Variants in CUL5 observed in about 807,000 individuals in gnomAD.
CUL5 encodes cullin-5.
Under a neutral mutation model 108.8 loss-of-function variants are expected in CUL5, and 26 were observed. The observed-to-expected ratio is 0.24, with a 90% CI of 0.18 to 0.33. The LOEUF (loss-of-function observed/expected upper bound fraction) is 0.33, where lower values mean the gene tolerates loss of function less well. Ranked by LOEUF, CUL5 falls within the 10% of genes least tolerant of loss-of-function variation. CUL5 has a pLI of 1.00. For synonymous variants in CUL5, 334 were observed against 298.0 expected (o/e 1.12, Z -1.25); for missense variants, 524 against 909.2 (o/e 0.58, Z 5.45).
chr11:108,038,599 C>T (rs1055851445), intron 2 of CUL5, among the ~76,000 whole-genome samples: 2 of 151,210 alleles, frequency 1.3e-5, no homozygotes, highest in African/African-American at 4.9e-5. Context: ...CACTTGAATC[C>T]GGCAGGCAGA....
chr11:108,093,579 C>CT (rs370300296), intron 13 of CUL5, among the ~76,000 whole-genome samples: 2 of 151,968 alleles, frequency 1.3e-5, no homozygotes, highest in Non-Finnish European at 2.9e-5. Flanking sequence ...TTTGATTATT[C>CT]TTTTTTGTAA....
chr11:108,069,397 T>C (rs1305799966), intron 7 of CUL5, among the ~76,000 whole-genome samples: 3 of 152,186 alleles, frequency 2.0e-5, no homozygotes, highest in Non-Finnish European at 2.9e-5. Flanking sequence ...CACTGTCTGT[T>C]TCTTCTCTAC....
intron 2 of CUL5, 94 bp downstream of exon 2, chr11:108,034,005 G>T (rs1178928038): frequency 1.3e-6 from 1 of 754,704 alleles, no homozygotes; most frequent in Non-Finnish European, 2.3e-6. Flanking sequence ...AAGTTTATCT[G>T]TTTACCTATT....
At chr11:108,019,043 T>A (rs1862268785) in intron 1 of CUL5, among the ~76,000 whole-genome samples, 1 of 152,146 alleles carries the variant, frequency 6.6e-6, no homozygotes, top group African/African-American at 2.4e-5. Context: ...AACAGTACAG[T>A]ATAGCAGCTG....
intron 5 of CUL5, among the ~76,000 whole-genome samples, chr11:108,053,845 A>ATTTTTTTCTT (rs1863304888): frequency 1.4e-5 from 2 of 147,828 alleles, no homozygotes; most frequent in Admixed American, 1.3e-4. Flanking sequence ...CACCTGGCTA[A>ATTTTTTTCTT]TTTGTTTCTT....
chr11:108,033,767 A>T, intron 1 of CUL5, 35 bp from the exon 2 acceptor site: 1 of 1,338,062 alleles, frequency 7.5e-7, no homozygotes, highest in Non-Finnish European at 1.1e-6. Flanking sequence ...AACTGCATTT[A>T]AATTAAACTC....
intron 11 of CUL5, among the ~76,000 whole-genome samples, chr11:108,087,879 C>T (rs1441069212): frequency 1.3e-5 from 2 of 151,980 alleles, no homozygotes; most frequent in African/African-American, 2.4e-5. Context: ...GCAGGAGAAT[C>T]GCTTGAACCC....
At chr11:108,016,062 C>G (rs900285216) in intron 1 of CUL5, among the ~76,000 whole-genome samples, 3 of 152,064 alleles carry the variant, frequency 2.0e-5, no homozygotes, top group Admixed American at 1.3e-4. Flanking sequence ...GCTGAGACTA[C>G]AGGCACATAC....
At chr11:108,037,665 G>A (rs1211909742) in intron 2 of CUL5, among the ~76,000 whole-genome samples, 1 of 152,150 alleles carries the variant, frequency 6.6e-6, no homozygotes, top group African/African-American at 2.4e-5. Flanking sequence ...AAGCTAATTA[G>A]GGGCTCAGCA....
chr11:108,049,223 A>C (rs909396673), intron 3 of CUL5, among the ~76,000 whole-genome samples: 1 of 132,188 alleles, frequency 7.6e-6, no homozygotes, highest in African/African-American at 2.8e-5. Context: ...AATTGGAATC[A>C]TAATATGTGG....
At chr11:108,016,789 AAAAC>A (rs1230021521) in intron 1 of CUL5, among the ~76,000 whole-genome samples, 2 of 151,908 alleles carry the variant, frequency 1.3e-5, no homozygotes, top group African/African-American at 2.4e-5. Context: ...CATTTGTACA[AAAAC>A]AAACAAAAAA....
chr11:108,034,046 C>T, intron 2 of CUL5, 135 bp downstream of exon 2: 3 of 600,720 alleles, frequency 5.0e-6, no homozygotes, highest in Non-Finnish European at 8.8e-6. Context: ...TTGAGGGTCT[C>T]CAAGACCTCT....
intron 1 of CUL5, among the ~76,000 whole-genome samples, chr11:108,022,211 G>A (rs1441918917): frequency 6.6e-6 from 1 of 152,048 alleles, no homozygotes; most frequent in Non-Finnish European, 1.5e-5. Flanking sequence ...TTTGTCCCAG[G>A]CGTTATGTAG....
At chr11:108,029,925 G>C (rs6588997) in intron 1 of CUL5, among the ~76,000 whole-genome samples, 145,751 of 152,268 alleles carry the variant, frequency 0.96, 70,093 homozygotes, top group East Asian at 1. Flanking sequence ...TTATAAATTA[G>C]CAAAAGTGCT....
chr11:108,028,134 A>C (rs1862495108), intron 1 of CUL5, among the ~76,000 whole-genome samples: 1 of 152,174 alleles, frequency 6.6e-6, no homozygotes, highest in African/African-American at 2.4e-5. Context: ...AGGCCTTTTA[A>C]ATTCTAGATT....
intron 2 of CUL5, among the ~76,000 whole-genome samples, chr11:108,035,485 C>T (rs1862713193): frequency 6.6e-6 from 1 of 151,920 alleles, no homozygotes; most frequent in Non-Finnish European, 1.5e-5. Flanking sequence ...GCCTGTAATC[C>T]CAGAACTTTG....
chr11:108,099,095 C>T (rs58440704), intron 18 of CUL5, among the ~76,000 whole-genome samples: 2,393 of 150,692 alleles, frequency 0.016, 63 homozygotes, highest in African/African-American at 0.054. Flanking sequence ...GCCTCAACTC[C>T]CTGGGCTCAA....
chr11:108,091,962 C>T (rs754825681), intron 13 of CUL5, among the ~76,000 whole-genome samples: 4 of 152,012 alleles, frequency 2.6e-5, no homozygotes, highest in Non-Finnish European at 4.4e-5. Context: ...AATAACAATA[C>T]TCCATGTCTA....
At chr11:108,066,247 G>T (rs1863674004) in intron 7 of CUL5, among the ~76,000 whole-genome samples, 1 of 152,086 alleles carries the variant, frequency 6.6e-6, no homozygotes, top group Non-Finnish European at 1.5e-5. Context: ...GGAGGCTGAG[G>T]CGGGAGAAAT....
Sources: gnomAD v4.1 joint callset for allele counts (sites outside exome capture counted in the v4.1 genomes callset) on GRCh38, gnomAD v4.1.1 for gene constraint, MANE v1.5 for transcripts, NCBI Gene and HGNC (gene_info 2026-07-23, HGNC 2026-07-21) for gene names.